DHX57: variants seen among roughly 807,000 people sequenced by gnomAD.
DHX57 encodes DExH-box helicase 57.
A neutral mutation model predicts 156.2 loss-of-function variants in DHX57; 105 were observed. That is an observed-to-expected ratio of 0.67 (90% CI 0.57 to 0.79). The LOEUF is 0.79. DHX57 is among the 30% of genes least tolerant of loss of function. The probability of loss-of-function intolerance (pLI) is 0.00; values close to 1 mark genes in which losing one functional copy is unlikely to be tolerated. For synonymous variants in DHX57, 704 were observed against 595.6 expected (o/e 1.18, Z -2.65); for missense variants, 1,847 against 1,661.9 (o/e 1.11, Z -1.94).
chr2:38,873,083 G>A (rs1219174972), intron 1 of DHX57, among the ~76,000 whole-genome samples: 4 of 152,046 alleles, frequency 2.6e-5, no homozygotes, highest in Non-Finnish European at 5.9e-5. Flanking sequence ...CGCCTCCCAG[G>A]TTCAAGCGAT....
chr2:38,855,984 G>A (rs552325253), intron 7 of DHX57, among the ~76,000 whole-genome samples: 3 of 152,150 alleles, frequency 2.0e-5, no homozygotes, highest in East Asian at 1.9e-4. Context: ...ACAGTGGTGC[G>A]CCTGTCATCT....
At chr2:38,799,408 C>T (rs1421578882) in intron 23 of DHX57, among the ~76,000 whole-genome samples, 20 of 133,532 alleles carry the variant, frequency 1.5e-4, no homozygotes, top group African/African-American at 4.4e-4. Flanking sequence ...TACTGATCAC[C>T]GATCACTCCA....
intron 22 of DHX57, among the ~76,000 whole-genome samples, chr2:38,806,137 T>C (rs930280824): frequency 6.6e-6 from 1 of 152,170 alleles, no homozygotes. Flanking sequence ...GACACTGGCT[T>C]TGACAACTAA....
rs1276887838 is a variant in DHX57 at position 38,868,211 on chromosome 2, A to G, written c.195T>C (p.Cys65=). The change falls in exon 2 of 24, where the codon TGT becomes TGC. Residue 65 remains cysteine, a synonymous_variant. Coordinates refer to ENST00000457308, the MANE Select transcript of DHX57 (RefSeq NM_198963.3). ...AAGGGCGCCTTGATTCACTGAAGAT[A>G]CAAAAGTCATCTCCATCATCCCATA... ...SRIWDDGDDF[C]IFSESRRPSR... The G allele has an allele frequency of 6.2e-7, 1 of 1,613,980 alleles. No homozygotes were observed. Among genetic ancestry groups the G allele is most frequent in the Non-Finnish European group, 8.5e-7 (1 of 1,180,048 alleles).
chr2:38,862,634 C>G (rs927649866), intron 3 of DHX57: 4 of 197,600 alleles, frequency 2.0e-5, no homozygotes, highest in African/African-American at 9.5e-5. Context: ...AACTAAAACT[C>G]AGAGAGGATT....
intron 4 of DHX57, 32 bp from the exon 5 acceptor site, chr2:38,861,869 C>A: frequency 6.5e-7 from 1 of 1,543,388 alleles, no homozygotes; most frequent in Non-Finnish European, 8.7e-7. Flanking sequence ...AAAAATGACA[C>A]ATAAAAAGCA....
At chr2:38,816,094 C>A (rs1670533565) in intron 19 of DHX57, 1 of 470,620 alleles carries the variant, frequency 2.1e-6, no homozygotes, top group Non-Finnish European at 4.4e-6. Context: ...CAGTTCCTTA[C>A]TCAGGCCTAG....
chr2:38,836,446 C>G lies in DHX57; in HGVS notation c.2542+1385G>C, dbSNP rs576055598. On this transcript the variant is annotated intron_variant, in intron 13 of 23. Coordinates refer to ENST00000457308, the MANE Select transcript of DHX57 (RefSeq NM_198963.3). ...CTCTTCCTTATGACTTTTTAAATAA[C>G]ATTTTCTTTTCTTTAGTTTACTTTA... Among the ~76,000 whole-genome samples, 5 of 152,246 alleles carry G rather than the reference C, an allele frequency of 3.3e-5. No individual in the cohort carries two copies. In the East Asian group the frequency reaches 5.8e-4, roughly 18 times the overall value.
At chr2:38,841,559 G>A (rs1230410560) in intron 12 of DHX57, among the ~76,000 whole-genome samples, 1 of 152,198 alleles carries the variant, frequency 6.6e-6, no homozygotes, top group Admixed American at 6.5e-5. Context: ...ATTGGGAACT[G>A]TCTTTGGTAG....
In DHX57 at chr2:38,825,979, C is replaced by T. The variant is rs1671068949; in HGVS notation, c.2882G>A (p.Arg961Lys). The T allele has an allele frequency of 6.2e-7, 1 of 1,614,216 alleles. No homozygotes were observed. Among genetic ancestry groups the T allele is most frequent in the Admixed American group, 1.7e-5 (1 of 60,016 alleles). The change falls in exon 16 of 24, where the codon AGG becomes AAG. Residue 961 changes from arginine to lysine, a missense_variant. Transcript: ENST00000457308. ...TGCAACACGGCCTGCTCGGCCTTTC[C>T]TTTGTAGAGCATTAGCTTGAGATAC... is the stretch of plus-strand genomic sequence containing the variant. The part of the protein sequence containing the change: ...TFVSQANALQ[R>K]KGRAGRVASG...
At position 38,823,353 on chromosome 2, in the gene DHX57, T is replaced by A; in HGVS notation, c.3015-84A>T. On this transcript the variant is annotated intron_variant, in intron 16 of 23. Transcript: ENST00000457308. ...GAATAATTTCTTTTGTGAGTGATAA[T>A]AATTTACAAGTTTAAATAAAAAATT... The A allele has an allele frequency of 3.0e-6, 4 of 1,335,140 alleles. No individual in the cohort carries two copies. In the African/African-American group the frequency reaches 4.5e-5, roughly 15 times the overall value. The allele number at this position is 1,335,140 out of a possible 1,614,324, so 82.7% of individuals were successfully genotyped here.
chr2:38,810,008 C>G (rs944784462), intron 21 of DHX57, among the ~76,000 whole-genome samples: 1 of 152,024 alleles, frequency 6.6e-6, no homozygotes, highest in Non-Finnish European at 1.5e-5. Flanking sequence ...ATTCTTCTGC[C>G]TCAGCCTCCC....
At chr2:38,820,220 G>C (rs1012078832) in intron 17 of DHX57, among the ~76,000 whole-genome samples, 1 of 152,110 alleles carries the variant, frequency 6.6e-6, no homozygotes, top group Non-Finnish European at 1.5e-5. Flanking sequence ...CAGGCCAGTG[G>C]GAAAAGGATT....
rs1280126970 is a variant in DHX57, at chr2:38,803,815, T to C, written c.3817-900A>G. On this transcript the variant is annotated intron_variant, in intron 22 of 23. Transcript: ENST00000457308. ...TTTTTTTTTTGAGATGCAGTCTCGC[T>C]CTGTCACCCAGGCTGGAGTGCAGTG... Among the ~76,000 whole-genome samples the C allele has an allele frequency of 2.9e-5, 4 of 138,200 alleles. No homozygotes were observed. The East Asian group carries it at 8.9e-4, about 31-fold the overall frequency. 90.7% of individuals were successfully genotyped at this position (138,200 alleles called of 152,430 possible). A position where few individuals can be genotyped will look rare whatever the true frequency, so the allele number is the denominator to read the frequency against.
chr2:38,835,669 G>T (rs10168789), intron 13 of DHX57, among the ~76,000 whole-genome samples: 1 of 152,100 alleles, frequency 6.6e-6, no homozygotes, highest in Non-Finnish European at 1.5e-5. Flanking sequence ...TCAATGCTAC[G>T]AAAGAGAATT....
chr2:38,831,804 C>G (rs901511977), intron 13 of DHX57, among the ~76,000 whole-genome samples: 1 of 148,934 alleles, frequency 6.7e-6, no homozygotes, highest in African/African-American at 2.5e-5. Flanking sequence ...TTGCAGTGAG[C>G]TGAGATCACA....
chr2:38,854,163 G>A lies in DHX57; in HGVS notation c.1921C>T (p.Leu641=), dbSNP rs1005228523. ...AGCACTCCCGTGGTGCAGTATAACAGTCTGGTGGCTGAGGACTTACACATG... is the reference window on the plus strand; with the variant it reads ...AGCACTCCCGTGGTGCAGTATAACAATCTGGTGGCTGAGGACTTACACATG... The part of the protein sequence containing the change: ...LESVKSSATR[L]LYCTTGVLLR... Residue 641 remains leucine, a synonymous_variant, in exon 9 of 24, where the codon CTG becomes TTG. Transcript: ENST00000457308. 1.2e-6 allele frequency: 2 copies of A among 1,613,684 alleles called. No homozygotes were observed. The highest frequency in any genetic ancestry group is 2.7e-5 in the African/African-American group (2 of 74,880).
At chr2:38,818,363 A>G (rs1168298756) in intron 19 of DHX57, among the ~76,000 whole-genome samples, 2 of 151,948 alleles carry the variant, frequency 1.3e-5, no homozygotes, top group African/African-American at 4.8e-5. Flanking sequence ...CATCTCTACT[A>G]AAAATACAAA....
chr2:38,861,414 T>TC lies in DHX57; in HGVS notation c.995dup (p.Arg333LysfsTer8). 6.2e-7 allele frequency: 1 copy of TC among 1,614,112 alleles called. No individual in the cohort carries two copies. Among genetic ancestry groups the TC allele is most frequent in the Non-Finnish European group, 8.5e-7 (1 of 1,180,036 alleles). ...AATCATCTACACTTCTTTCTATTCTTCCAACAATTTGATTTGGGGGCACTT... is the reference window on the plus strand; with the variant it reads ...AATCATCTACACTTCTTTCTATTCTTCCCAACAATTTGATTTGGGGGCACTT... On this transcript the variant is annotated frameshift_variant, in exon 5 of 24. Transcript: ENST00000457308. LOFTEE classifies it high-confidence loss of function.
Sources: gnomAD v4.1 joint callset for allele counts (sites outside exome capture counted in the v4.1 genomes callset) on GRCh38, gnomAD v4.1.1 for gene constraint, MANE v1.5 for transcripts, NCBI Gene and HGNC (gene_info 2026-07-23, HGNC 2026-07-21) for gene names.